Variants in KDM5B observed in about 807,000 individuals in gnomAD.
KDM5B encodes lysine-specific demethylase 5B.
KDM5B carries 144 observed loss-of-function variants against 193.4 expected under a neutral mutation model. That is an observed-to-expected ratio of 0.74 (90% CI 0.65 to 0.86). The LOEUF (loss-of-function observed/expected upper bound fraction) is 0.86, where lower values mean the gene tolerates loss of function less well. KDM5B is among the 40% of genes least tolerant of loss of function. The pLI is 0.00. For missense variants in KDM5B, 1,833 were observed against 1,886.9 expected (o/e 0.97, Z 0.53); for synonymous variants, 668 against 682.6 (o/e 0.98, Z 0.33).
intron 1 of KDM5B, among the ~76,000 whole-genome samples, chr1:202,794,402 T>C (rs1657756699): frequency 6.6e-6 from 1 of 152,220 alleles, no homozygotes; most frequent in African/African-American, 2.4e-5. Context: ...GAATATGTGC[T>C]TAATGAAAAG....
At chr1:202,804,403 A>G (rs572128984) in intron 1 of KDM5B, among the ~76,000 whole-genome samples, 2 of 152,152 alleles carry the variant, frequency 1.3e-5, no homozygotes, top group Admixed American at 6.5e-5. Flanking sequence ...AAACAGAGAG[A>G]GGGTTAGGCC....
intron 1 of KDM5B, among the ~76,000 whole-genome samples, chr1:202,793,737 C>A (rs1048357260): frequency 7.2e-5 from 11 of 152,086 alleles, no homozygotes; most frequent in African/African-American, 2.7e-4. Flanking sequence ...AATCCTAAAT[C>A]AAATTCTAAA....
chr1:202,808,080 C>T, intron 1 of KDM5B, 22 bp downstream of exon 1: 5 of 1,604,940 alleles, frequency 3.1e-6, no homozygotes, highest in East Asian at 2.3e-5. Context: ...CGAGCTGGAT[C>T]CGGGGTGCTG....
At chr1:202,776,818 C>CAA (rs776945151) in intron 2 of KDM5B, among the ~76,000 whole-genome samples, 199 bp downstream of exon 2, 1 of 152,160 alleles carries the variant, frequency 6.6e-6, no homozygotes, top group Non-Finnish European at 1.5e-5. Flanking sequence ...GCTGAGATTA[C>CAA]AAGTGTGAGC....
rs762809884 is a variant in KDM5B, at chr1:202,808,347, G to A, written c.-42C>T. On this transcript the variant is annotated 5_prime_UTR_variant, in exon 1 of 27. Coordinates refer to ENST00000367265, the MANE Select transcript of KDM5B (RefSeq NM_006618.5). ...AGGGCGAGGCGAAGGTGGGCTCCGG[G>A]ACCGAGGCTGCGAGCTCCGCTCGGT... 123 of 1,503,184 alleles carry A rather than the reference G, an allele frequency of 8.2e-5. No individual in the cohort carries two copies. The Middle Eastern group carries it at 1.7e-3, about 20-fold the overall frequency. 93.1% of individuals were successfully genotyped at this position (1,503,184 alleles called of 1,614,324 possible).
intron 1 of KDM5B, among the ~76,000 whole-genome samples, chr1:202,798,363 G>A (rs942765382): frequency 7.6e-6 from 1 of 132,174 alleles, no homozygotes; most frequent in Non-Finnish European, 1.5e-5. Context: ...TCAAATTCCT[G>A]TGCTCAAGCA....
intron 1 of KDM5B, among the ~76,000 whole-genome samples, chr1:202,784,604 A>G (rs1657330835): frequency 6.6e-6 from 1 of 152,258 alleles, no homozygotes; most frequent in Non-Finnish European, 1.5e-5. Flanking sequence ...AAAAGGTAGA[A>G]CTAGGTCTAT....
At position 202,808,328 on chromosome 1, in the gene KDM5B, A is replaced by G; in HGVS notation, c.-23T>C. Reference sequence around the variant, plus strand: ...CATCACCGCAGGCTGGGCAAGGGCGAGGCGAAGGTGGGCTCCGGGACCGAG... The same window carrying G: ...CATCACCGCAGGCTGGGCAAGGGCGGGGCGAAGGTGGGCTCCGGGACCGAG... On this transcript the variant is annotated 5_prime_UTR_variant, in exon 1 of 27. Transcript: ENST00000367265. The G allele has an allele frequency of 1.9e-6, 3 of 1,555,692 alleles. No individual in the cohort carries two copies. Among genetic ancestry groups the G allele is most frequent in the Non-Finnish European group, 2.6e-6 (3 of 1,154,166 alleles).
intron 22 of KDM5B, 110 bp downstream of exon 22, chr1:202,735,319 A>T: frequency 8.6e-7 from 1 of 1,166,520 alleles, no homozygotes; most frequent in Non-Finnish European, 1.2e-6. Context: ...AGTAAAACTG[A>T]ACGCTTTCAA....
intron 1 of KDM5B, among the ~76,000 whole-genome samples, chr1:202,781,161 T>C (rs1435905576): frequency 6.6e-6 from 1 of 152,084 alleles, no homozygotes; most frequent in Non-Finnish European, 1.5e-5. Context: ...AAATTAGGCA[T>C]AGTGGTGCAA....
intron 1 of KDM5B, among the ~76,000 whole-genome samples, chr1:202,807,754 C>T (rs1485992812): frequency 2.0e-5 from 3 of 151,060 alleles, no homozygotes; most frequent in Admixed American, 6.6e-5. Context: ...CGCGCCTCCG[C>T]CAGGCTCCGT....
In KDM5B at chr1:202,756,358, C is replaced by T; in HGVS notation, c.1356G>A (p.Glu452=). 1 of 1,602,726 alleles carries T rather than the reference C, an allele frequency of 6.2e-7. No homozygotes were observed. Among genetic ancestry groups the T allele is most frequent in the Non-Finnish European group, 8.5e-7 (1 of 1,175,212 alleles). The change falls in exon 10 of 27, where the codon GAG becomes GAA. Residue 452 remains glutamate (E), a splice_region_variant and synonymous_variant. Coordinates refer to ENST00000367265, the MANE Select transcript of KDM5B (RefSeq NM_006618.5). ...ATTTCCAAGCCACTTATATGCCTACCTCTTCCTCAGGTGAGAGTTTGATTT... is the reference window on the plus strand; with the variant it reads ...ATTTCCAAGCCACTTATATGCCTACTTCTTCCTCAGGTGAGAGTTTGATTT... ...DGKIKLSPEE[E]EYLDSGWNLN...
rs762899312 is a variant in KDM5B, at chr1:202,808,265, G to A, written c.41C>T (p.Ala14Val). 4.3e-6 allele frequency: 7 copies of A among 1,609,240 alleles called. No homozygotes were observed. The highest frequency in any genetic ancestry group is 2.2e-5 in the South Asian group (2 of 90,818). Residue 14 changes from alanine to valine, a missense_variant, in exon 1 of 27, where the codon GCG becomes GTG. Coordinates refer to ENST00000367265, the MANE Select transcript of KDM5B (RefSeq NM_006618.5). ...ATTLHPGPRP[A>V]LPLGGPGPLG... ...CGGGCCCGGGCCCCCGAGGGGCAGC[G>A]CCGGGCGCGGGCCTGGGTGCAGTGT... is the stretch of plus-strand genomic sequence containing the variant.
At chr1:202,740,958 T>C (rs1655313188) in intron 19 of KDM5B, 146 bp from the exon 20 acceptor site, 2 of 765,204 alleles carry the variant, frequency 2.6e-6, no homozygotes, top group Non-Finnish European at 4.1e-6. Context: ...TTGAAAATTA[T>C]CTGCACTGTT....
At chr1:202,752,738 G>C (rs142498848) in intron 12 of KDM5B, among the ~76,000 whole-genome samples, 167 bp downstream of exon 12, 1 of 152,316 alleles carries the variant, frequency 6.6e-6, no homozygotes, top group Non-Finnish European at 1.5e-5. Flanking sequence ...TAAGGATCCA[G>C]TCCTACTGAG....
chr1:202,773,971 A>C (rs1487485117), intron 3 of KDM5B, among the ~76,000 whole-genome samples: 1 of 152,154 alleles, frequency 6.6e-6, no homozygotes, highest in African/African-American at 2.4e-5. Flanking sequence ...TCCTGACCTC[A>C]GGTGATCCAC....
At chr1:202,807,477 G>C (rs1270268433) in intron 1 of KDM5B, among the ~76,000 whole-genome samples, 1 of 151,492 alleles carries the variant, frequency 6.6e-6, no homozygotes, top group Non-Finnish European at 1.5e-5. Flanking sequence ...CCCGGCCCGG[G>C]GGACACCTGG....
At chr1:202,732,968 AT>A (rs1043433081) in intron 23 of KDM5B, among the ~76,000 whole-genome samples, 4 of 152,092 alleles carry the variant, frequency 2.6e-5, no homozygotes, top group African/African-American at 9.7e-5. Context: ...TCCAAAAAAT[AT>A]TTTCCCTTAA....
At chr1:202,745,520 T>C (rs1199735506) in intron 16 of KDM5B, among the ~76,000 whole-genome samples, 2 of 152,054 alleles carry the variant, frequency 1.3e-5, no homozygotes, top group Non-Finnish European at 2.9e-5. Flanking sequence ...TGCTTTGTTT[T>C]TGTTTTTGTT....
Sources: allele counts gnomAD v4.1 joint callset (sites outside exome capture counted in the v4.1 genomes callset), GRCh38; gene constraint gnomAD v4.1.1; transcripts MANE v1.5; gene names NCBI Gene and HGNC (gene_info 2026-07-23, HGNC 2026-07-21).